Variants in CPPED1 observed in about 807,000 individuals in gnomAD.
CPPED1 encodes the protein serine/threonine-protein phosphatase CPPED1.
Under a neutral mutation model 28.0 loss-of-function variants are expected in CPPED1, and 28 were observed. The observed-to-expected ratio is 1.00, with a 90% CI of 0.74 to 1.37. CPPED1 has a LOEUF of 1.37. Among genes scored for constraint, CPPED1 ranks in the 40% most tolerant of loss-of-function variants. CPPED1 has a pLI of 0.00. For missense variants in CPPED1, 504 were observed against 416.5 expected (o/e 1.21, Z -1.83); for synonymous variants, 198 against 180.2 (o/e 1.10, Z -0.79).
chr16:12,717,263 T>C (rs577376253), intron 2 of CPPED1, among the ~76,000 whole-genome samples: 1 of 152,306 alleles, frequency 6.6e-6, no homozygotes, highest in African/African-American at 2.4e-5. Flanking sequence ...AAGAATCCTA[T>C]TGGGATCTTT....
chr16:12,760,676 TA>T (rs1300281178), intron 2 of CPPED1: 1 of 152,198 alleles, frequency 6.6e-6, no homozygotes, highest in Non-Finnish European at 1.5e-5. Context: ...AACAAGTGTT[TA>T]GAGATCCCTA....
intron 2 of CPPED1, among the ~76,000 whole-genome samples, chr16:12,774,767 T>C (rs1177219624): frequency 6.6e-6 from 1 of 152,102 alleles, no homozygotes; most frequent in African/African-American, 2.4e-5. Context: ...ATGAATGAGT[T>C]AGTGGATTAA....
rs145199946 is a variant in CPPED1, at chr16:12,697,799, G to A, written c.715+6825C>T. 3.4e-3 allele frequency among the ~76,000 whole-genome samples: 514 copies of A among 152,182 alleles called. 1 individual carries two copies. Among genetic ancestry groups the A allele is most frequent in the African/African-American group, 0.012 (478 of 41,532 alleles). On this transcript the variant is annotated intron_variant, in intron 3 of 3. Coordinates refer to ENST00000381774, the MANE Select transcript of CPPED1 (RefSeq NM_018340.3). ...AAAAGTTCTATTGACCCCTCTAGGC[G>A]AAGCATTTCCCATACAAAAGTCAGC...
intron 3 of CPPED1, among the ~76,000 whole-genome samples, chr16:12,699,690 A>G (rs1189672042): frequency 6.6e-6 from 1 of 152,150 alleles, no homozygotes; most frequent in Non-Finnish European, 1.5e-5. Context: ...CATAATTAAA[A>G]GTTACCCTGA....
intron 3 of CPPED1, among the ~76,000 whole-genome samples, chr16:12,669,175 C>T (rs1253882511): frequency 2.0e-5 from 3 of 152,076 alleles, no homozygotes; most frequent in African/African-American, 7.2e-5. Flanking sequence ...TTGATACAAG[C>T]TGCAATGTAG....
intron 1 of CPPED1, among the ~76,000 whole-genome samples, chr16:12,796,167 A>G (rs2080626600): frequency 6.6e-6 from 1 of 152,004 alleles, no homozygotes; most frequent in Admixed American, 6.6e-5. Context: ...TTTATAGTGT[A>G]CAGGTAGAAA....
intron 2 of CPPED1, among the ~76,000 whole-genome samples, chr16:12,772,576 G>T (rs2080476131): frequency 6.6e-6 from 1 of 152,084 alleles, no homozygotes; most frequent in African/African-American, 2.4e-5. Flanking sequence ...TTTTCATATT[G>T]AGTCTCTTTG....
chr16:12,759,603 C>T (rs879530118), intron 2 of CPPED1, among the ~76,000 whole-genome samples: 3 of 152,156 alleles, frequency 2.0e-5, no homozygotes, highest in Admixed American at 6.5e-5. Flanking sequence ...TTGTAACCCC[C>T]GTGTGTCAAG....
intron 2 of CPPED1, among the ~76,000 whole-genome samples, chr16:12,719,053 G>A (rs2080123532): frequency 6.6e-6 from 1 of 152,172 alleles, no homozygotes; most frequent in Non-Finnish European, 1.5e-5. Context: ...ATGGCGGCAG[G>A]CAAGGGAGAA....
chr16:12,767,466 G>A (rs2080446183), intron 2 of CPPED1, among the ~76,000 whole-genome samples: 1 of 152,168 alleles, frequency 6.6e-6, no homozygotes. Context: ...CAGCCAGGCA[G>A]ACACGTAAAC....
chr16:12,786,353 C>G (rs1349276727), intron 1 of CPPED1, among the ~76,000 whole-genome samples: 1 of 152,206 alleles, frequency 6.6e-6, no homozygotes, highest in African/African-American at 2.4e-5. Flanking sequence ...TGGCCTGCAA[C>G]TTACATGGGT....
intron 3 of CPPED1, among the ~76,000 whole-genome samples, chr16:12,688,135 G>C (rs1312301457): frequency 6.6e-6 from 1 of 151,550 alleles, no homozygotes; most frequent in Non-Finnish European, 1.5e-5. Context: ...GGCTCAGGTG[G>C]TTCTCCTGCC....
chr16:12,753,899 G>C (rs1219912661), intron 2 of CPPED1: 4 of 152,128 alleles, frequency 2.6e-5, no homozygotes, highest in Admixed American at 2.0e-4. Context: ...CTCCTGTGTG[G>C]CTTGGGGAGA....
chr16:12,676,735 G>A (rs1002141807), intron 3 of CPPED1, among the ~76,000 whole-genome samples: 37 of 152,114 alleles, frequency 2.4e-4, no homozygotes, highest in African/African-American at 8.4e-4. Context: ...GAGGCCTGAG[G>A]GGGCATCATA....
At chr16:12,740,619 G>A (rs1279301487) in intron 2 of CPPED1, among the ~76,000 whole-genome samples, 1 of 152,112 alleles carries the variant, frequency 6.6e-6, no homozygotes, top group African/African-American at 2.4e-5. Context: ...TATTATTAGC[G>A]TTACAAAGAA....
At chr16:12,676,571 C>G (rs1303461256) in intron 3 of CPPED1, among the ~76,000 whole-genome samples, 1 of 152,050 alleles carries the variant, frequency 6.6e-6, no homozygotes, top group Non-Finnish European at 1.5e-5. Context: ...TTGGATAAGG[C>G]CAATTCAGAA....
chr16:12,752,913 T>C (rs1489291461), intron 2 of CPPED1: 1 of 149,192 alleles, frequency 6.7e-6, no homozygotes, highest in Non-Finnish European at 1.5e-5. Flanking sequence ...ATATAATATA[T>C]AAATATGTCA....
At position 12,663,495 on chromosome 16, in the gene CPPED1, T is replaced by C. The variant is rs1019429466; in HGVS notation, c.*1391A>G. The C allele has an allele frequency of 2.0e-5, 3 of 152,210 alleles. No homozygotes were observed. The highest frequency in any genetic ancestry group is 7.2e-5 in the African/African-American group (3 of 41,454). The allele number at this position is 152,210 out of a possible 1,614,324, so 9.4% of individuals were successfully genotyped here. The stretch of plus-strand genomic sequence containing the variant: ...CTAAAAGAAGAGCGTTCTAGTTTTT[T>C]AAAAAATTTAATTTTCTTGTGGCAC... On this transcript the variant is annotated 3_prime_UTR_variant, in exon 4 of 4. Coordinates refer to ENST00000381774, the MANE Select transcript of CPPED1 (RefSeq NM_018340.3).
At chr16:12,667,279 T>C (rs557748446) in intron 3 of CPPED1, among the ~76,000 whole-genome samples, 1 of 152,302 alleles carries the variant, frequency 6.6e-6, no homozygotes, top group South Asian at 2.1e-4. Flanking sequence ...TAAGATTGTC[T>C]GACAAATATT....
Sources: gnomAD v4.1 joint callset for allele counts (sites outside exome capture counted in the v4.1 genomes callset) on GRCh38, gnomAD v4.1.1 for gene constraint, MANE v1.5 for transcripts, NCBI Gene and HGNC (gene_info 2026-07-23, HGNC 2026-07-21) for gene names.